Variants in PLD5 observed in about 807,000 individuals in gnomAD.
PLD5 encodes the protein inactive phospholipase D5.
A neutral mutation model predicts 61.1 loss-of-function variants in PLD5; 36 were observed. The observed-to-expected ratio is 0.59, with a 90% CI of 0.45 to 0.78. The LOEUF is 0.78. PLD5 is among the 30% of genes least tolerant of loss of function. PLD5 has a pLI of 0.00. For missense variants in PLD5, 515 were observed against 644.4 expected (o/e 0.80, Z 2.17); for synonymous variants, 243 against 242.8 (o/e 1.00, Z -0.01).
intron 2 of PLD5, among the ~76,000 whole-genome samples, chr1:242,304,938 T>C (rs1676263009): frequency 6.6e-6 from 1 of 152,056 alleles, no homozygotes; most frequent in Non-Finnish European, 1.5e-5. Flanking sequence ...ACCCTGTCTC[T>C]ACAAAAAATA....
intron 1 of PLD5, among the ~76,000 whole-genome samples, chr1:242,423,602 G>A (rs1297818317): frequency 6.6e-6 from 1 of 152,196 alleles, no homozygotes; most frequent in South Asian, 2.1e-4. Context: ...AGGAACTCAA[G>A]ACCAGCCTGG....
chr1:242,273,600 C>T (rs1314580983), intron 3 of PLD5, among the ~76,000 whole-genome samples: 1 of 152,160 alleles, frequency 6.6e-6, no homozygotes, highest in Non-Finnish European at 1.5e-5. Context: ...TAAAAAATGG[C>T]TCCCCAAAGA....
intron 5 of PLD5, among the ~76,000 whole-genome samples, chr1:242,196,870 C>A (rs1250734179): frequency 6.6e-6 from 1 of 152,164 alleles, no homozygotes; most frequent in Non-Finnish European, 1.5e-5. Context: ...CATCTGTGTG[C>A]TCCTACATAT....
chr1:242,319,364 T>C (rs1658235804), intron 2 of PLD5, among the ~76,000 whole-genome samples: 1 of 150,542 alleles, frequency 6.6e-6, no homozygotes, highest in African/African-American at 2.5e-5. Context: ...TCCCTATAAA[T>C]AAATACTGAT....
At position 242,400,702 on chromosome 1, in the gene PLD5, CCCGGGA is replaced by C. The variant is rs1663880809; in HGVS notation, c.190-52466_190-52461del. Among the ~76,000 whole-genome samples, 3 of 152,216 alleles carry C rather than the reference CCCGGGA, an allele frequency of 2.0e-5. No individual in the cohort carries two copies. The South Asian group carries it at 6.2e-4, about 32-fold the overall frequency. ...AATCCAAGGTTCTCTGATTCCAAGT[CCCGGGA>C]TCTTTTCCCACCACCCGCCTGCTTT... On this transcript the variant is annotated intron_variant, in intron 1 of 9. Coordinates refer to ENST00000536534, the MANE Select transcript of PLD5 (RefSeq NM_001372062.1).
chr1:242,346,727 T>C lies in PLD5; in HGVS notation c.326+1379A>G, dbSNP rs74446460. On this transcript the variant is annotated intron_variant, in intron 2 of 9. Transcript: ENST00000536534. ...GGAAATGTGGGTGATGGTGGTTTGCTGCAGAGATCATCCCATCACCCAAGT... is the reference window on the plus strand; with the variant it reads ...GGAAATGTGGGTGATGGTGGTTTGCCGCAGAGATCATCCCATCACCCAAGT... 1.9e-3 allele frequency among the ~76,000 whole-genome samples: 292 copies of C among 152,310 alleles called. 7 individuals are homozygous for C. The East Asian group carries it at 0.045, about 24-fold the overall frequency.
At chr1:242,427,534 A>C (rs1665497345) in intron 1 of PLD5, among the ~76,000 whole-genome samples, 1 of 152,222 alleles carries the variant, frequency 6.6e-6, no homozygotes, top group African/African-American at 2.4e-5. Context: ...GCAGATGGGA[A>C]CGTGAAAAGC....
intron 1 of PLD5, among the ~76,000 whole-genome samples, chr1:242,376,114 C>A (rs1249878236): frequency 1.3e-5 from 2 of 152,272 alleles, no homozygotes; most frequent in Non-Finnish European, 2.9e-5. Context: ...GTAGTCCAGC[C>A]CTTTCGTTAC....
chr1:242,463,478 CA>C (rs1667182434), intron 1 of PLD5, among the ~76,000 whole-genome samples: 1 of 152,186 alleles, frequency 6.6e-6, no homozygotes, highest in Admixed American at 6.5e-5. Flanking sequence ...TTCATTCATC[CA>C]GTCTCCCAAA....
At chr1:242,356,952 A>T (rs1415497957) in intron 1 of PLD5, among the ~76,000 whole-genome samples, 1 of 151,910 alleles carries the variant, frequency 6.6e-6, no homozygotes, top group Non-Finnish European at 1.5e-5. Flanking sequence ...GGATAAAATT[A>T]TGTTACATAC....
chr1:242,288,033 G>A (rs1382892955), intron 3 of PLD5, among the ~76,000 whole-genome samples: 6 of 152,320 alleles, frequency 3.9e-5, no homozygotes, highest in East Asian at 1.9e-4. Context: ...CTAGTTGGGC[G>A]AAGCAGAATT....
In PLD5 at chr1:242,302,196, C is replaced by A. The variant is rs71650692; in HGVS notation, c.327-13666G>T. 5.7e-3 allele frequency among the ~76,000 whole-genome samples: 873 copies of A among 152,280 alleles called. 9 individuals carry two copies. The highest frequency in any genetic ancestry group is 7.7e-3 in the Non-Finnish European group (522 of 68,028). ...GCTGTGCAGGTTCGTAGCCCAGGAGCAACAGTCTCTATCATATAGCCTAGG... is the reference window on the plus strand; with the variant it reads ...GCTGTGCAGGTTCGTAGCCCAGGAGAAACAGTCTCTATCATATAGCCTAGG... On this transcript the variant is annotated intron_variant, in intron 2 of 9. Coordinates refer to ENST00000536534, the MANE Select transcript of PLD5 (RefSeq NM_001372062.1).
chr1:242,294,777 G>T (rs904313739), intron 2 of PLD5, among the ~76,000 whole-genome samples: 1 of 152,184 alleles, frequency 6.6e-6, no homozygotes, highest in African/African-American at 2.4e-5. Flanking sequence ...ATTTTTTAAA[G>T]TAACTTAGTC....
chr1:242,100,544 C>T (rs1660600256), intron 9 of PLD5, 124 bp downstream of exon 9: 2 of 676,220 alleles, frequency 3.0e-6, no homozygotes, highest in Non-Finnish European at 2.6e-6. Context: ...TCTCCATTTC[C>T]CCTCATTCAC....
chr1:242,176,665 A>G (rs1040131149), intron 5 of PLD5, among the ~76,000 whole-genome samples: 2 of 152,234 alleles, frequency 1.3e-5, no homozygotes, highest in African/African-American at 4.8e-5. Flanking sequence ...AATGAGAGAA[A>G]ATTTTTGCAA....
chr1:242,413,445 C>A (rs1664664484), intron 1 of PLD5, among the ~76,000 whole-genome samples: 1 of 151,996 alleles, frequency 6.6e-6, no homozygotes, highest in Non-Finnish European at 1.5e-5. Flanking sequence ...AGCAGGGGGA[C>A]AAACTGCTCT....
chr1:242,445,417 C>G (rs1666484763), intron 1 of PLD5, among the ~76,000 whole-genome samples: 1 of 152,202 alleles, frequency 6.6e-6, no homozygotes, highest in African/African-American at 2.4e-5. Flanking sequence ...TCTCAGTTCA[C>G]TGCAACCTCT....
intron 1 of PLD5, among the ~76,000 whole-genome samples, chr1:242,358,210 T>A (rs1283748786): frequency 2.0e-5 from 3 of 152,214 alleles, no homozygotes; most frequent in Non-Finnish European, 2.9e-5. Flanking sequence ...AGAGGATTAT[T>A]CTAAATTTTT....
chr1:242,460,322 A>AC (rs1329100438), intron 1 of PLD5, among the ~76,000 whole-genome samples: 3 of 151,086 alleles, frequency 2.0e-5, no homozygotes, highest in Non-Finnish European at 2.9e-5. Context: ...AGAGGTGGTG[A>AC]CCCCCCTGGA....
Sources: gnomAD v4.1 joint callset for allele counts (sites outside exome capture counted in the v4.1 genomes callset) on GRCh38, gnomAD v4.1.1 for gene constraint, MANE v1.5 for transcripts, NCBI Gene and HGNC (gene_info 2026-07-23, HGNC 2026-07-21) for gene names.